RYR3: variants seen among roughly 807,000 people sequenced by gnomAD.
RYR3 encodes ryanodine receptor 3.
A neutral mutation model predicts 584.3 loss-of-function variants in RYR3; 207 were observed. The ratio of observed to expected loss-of-function variants is 0.35; its 90% CI spans 0.32 to 0.40. The LOEUF is 0.40. Ranked by LOEUF, RYR3 falls within the 10% of genes least tolerant of loss-of-function variation. RYR3 has a pLI of 1.00. For missense variants in RYR3, 5,616 were observed against 6,089.2 expected (o/e 0.92, Z 2.59); for synonymous variants, 2,416 against 2,248.5 (o/e 1.07, Z -2.11).
chr15:33,656,258 A>G (rs1186088826), intron 32 of RYR3, among the ~76,000 whole-genome samples: 2 of 152,262 alleles, frequency 1.3e-5, no homozygotes, highest in Non-Finnish European at 2.9e-5. Context: ...CTCAAATACA[A>G]AAGGGAAACT....
chr15:33,339,622 G>T (rs976308473), intron 1 of RYR3, among the ~76,000 whole-genome samples: 1 of 152,170 alleles, frequency 6.6e-6, no homozygotes, highest in Non-Finnish European at 1.5e-5. Flanking sequence ...GGGCGCGGTG[G>T]CTCACGCCTG....
chr15:33,814,224 A>AC (rs1256810754), intron 74 of RYR3, among the ~76,000 whole-genome samples: 7 of 152,162 alleles, frequency 4.6e-5, no homozygotes, highest in African/African-American at 1.7e-4. Flanking sequence ...CCCAGAGTTG[A>AC]CCACCCAGAC....
rs376832890 is a variant in RYR3 at position 33,425,865 on chromosome 15, A to T, written c.52-47554A>T. Among the ~76,000 whole-genome samples the T allele has an allele frequency of 5.1e-4, 77 of 152,110 alleles. No individual in the cohort carries two copies. In the East Asian group the frequency reaches 0.015, roughly 29 times the overall value. ...CACCGTGTTAGCCAGGATGGTCTCA[A>T]TCTCCTGACCTCGTGATCCGCCCGC... On this transcript the variant is annotated intron_variant, in intron 1 of 103. Transcript: ENST00000634891.
chr15:33,841,882 G>A lies in RYR3; in HGVS notation c.13056G>A (p.Lys4352=). Residue 4352 remains lysine, a synonymous_variant, in exon 91 of 104, where the codon AAG becomes AAA. Transcript: ENST00000634891. The part of the protein sequence containing the change: ...SEKADMEDGE[K]EDKDKEEEQA... ...TCTGCAGCATGGAAGATGGAGAGAAGGAAGACAAAGACAAAGAAGAGGAGC... is the reference window on the plus strand; with the variant it reads ...TCTGCAGCATGGAAGATGGAGAGAAAGAAGACAAAGACAAAGAAGAGGAGC... 1 of 1,595,920 alleles carries A rather than the reference G, an allele frequency of 6.3e-7. No individual in the cohort carries two copies. Among genetic ancestry groups the A allele is most frequent in the Non-Finnish European group, 8.5e-7 (1 of 1,171,352 alleles).
intron 98 of RYR3, chr15:33,855,912 A>C (rs1400991744): frequency 2.0e-5 from 3 of 152,142 alleles, no homozygotes; most frequent in Non-Finnish European, 4.4e-5. Context: ...TTCATTCCTC[A>C]TTAAGTACAA....
intron 1 of RYR3, among the ~76,000 whole-genome samples, chr15:33,467,219 T>G: frequency 6.6e-6 from 1 of 152,258 alleles, no homozygotes; most frequent in Middle Eastern, 3.2e-3. Flanking sequence ...ATGTCTGCAC[T>G]TAAACATGAA....
intron 46 of RYR3, among the ~76,000 whole-genome samples, chr15:33,726,724 GA>G (rs2152815368): frequency 6.6e-6 from 1 of 152,262 alleles, no homozygotes; most frequent in East Asian, 1.9e-4. Flanking sequence ...ACAATAAATC[GA>G]CTCCTGATTC....
chr15:33,487,507 T>G (rs1473529947), intron 2 of RYR3, among the ~76,000 whole-genome samples: 1 of 152,144 alleles, frequency 6.6e-6, no homozygotes, highest in African/African-American at 2.4e-5. Flanking sequence ...AGACATTCTT[T>G]TTTATCTTAG....
chr15:33,699,439 G>A (rs1316962756), intron 40 of RYR3, among the ~76,000 whole-genome samples: 1 of 151,442 alleles, frequency 6.6e-6, no homozygotes, highest in Non-Finnish European at 1.5e-5. Flanking sequence ...CTTCCTACTT[G>A]GAAACAATAG....
rs550033490 is a variant in RYR3 at position 33,818,615 on chromosome 15, C to T, written c.10637C>T (p.Thr3546Ile). 13 of 1,613,932 alleles carry T rather than the reference C, an allele frequency of 8.1e-6. No homozygotes were observed. In the African/African-American group the frequency reaches 1.1e-4, roughly 13 times the overall value. Residue 3546 changes from threonine (T) to isoleucine (I), a missense_variant, in exon 76 of 104, where the codon ACA becomes ATA. Physicochemically the swap from Thr to Ile is moderately conservative, Grantham distance 89. This residue lies in a region of RYR3 where 954 missense variants were observed against 1,132.2 expected (regional missense o/e 0.84). Coordinates refer to ENST00000634891, the MANE Select transcript of RYR3 (RefSeq NM_001036.6). ...GTGGAAGAGGAGGAGGAGGAAGAGACAGAAAAACAACCTGACCCACTACAT... is the reference window on the plus strand; with the variant it reads ...GTGGAAGAGGAGGAGGAGGAAGAGATAGAAAAACAACCTGACCCACTACAT... Reference protein sequence around the residue: ...PKVEEEEEEETEKQPDPLHQI... With the variant: ...PKVEEEEEEEIEKQPDPLHQI...
intron 2 of RYR3, among the ~76,000 whole-genome samples, chr15:33,478,565 G>A (rs540636945): frequency 6.6e-6 from 1 of 152,150 alleles, no homozygotes; most frequent in African/African-American, 2.4e-5. Flanking sequence ...AATGTACCCT[G>A]GTAACATGAC....
At chr15:33,700,645 G>A (rs113543773) in intron 41 of RYR3, among the ~76,000 whole-genome samples, 2,103 of 152,196 alleles carry the variant, frequency 0.014, 51 homozygotes, top group African/African-American at 0.048. Flanking sequence ...GAAATATACA[G>A]GTTCCACTGG....
chr15:33,324,763 A>G (rs917301831), intron 1 of RYR3, among the ~76,000 whole-genome samples: 5 of 151,990 alleles, frequency 3.3e-5, no homozygotes, highest in Non-Finnish European at 5.9e-5. Flanking sequence ...ACCTCACTCA[A>G]CTCTCTGCTA....
chr15:33,777,720 G>T (rs143068975), intron 64 of RYR3, among the ~76,000 whole-genome samples: 27 of 151,522 alleles, frequency 1.8e-4, no homozygotes, highest in Middle Eastern at 6.9e-3. Flanking sequence ...GACTGCCTTC[G>T]TGTCTGACTA....
chr15:33,788,266 G>A lies in RYR3; in HGVS notation c.9638G>A (p.Ser3213Asn). 2 of 1,614,004 alleles carry A rather than the reference G, an allele frequency of 1.2e-6. No individual in the cohort carries two copies. The highest frequency in any genetic ancestry group is 1.7e-6 in the Non-Finnish European group (2 of 1,179,882). Residue 3213 changes from serine to asparagine, a missense_variant, in exon 67 of 104, where the codon AGC becomes AAC. Physicochemically the swap from Ser to Asn is conservative, Grantham distance 46. Transcript: ENST00000634891. ...ISKARPDLLR[S>N]HFIPTLEKLK... is the part of the protein sequence containing the mutation. ...AAAGCCAGGCCCGACCTGCTGAGAAGCCACTTCATCCCAACTCTGGAGAAG... is the reference window on the plus strand; with the variant it reads ...AAAGCCAGGCCCGACCTGCTGAGAAACCACTTCATCCCAACTCTGGAGAAG...
At chr15:33,819,281 A>G (rs2076983013) in intron 76 of RYR3, among the ~76,000 whole-genome samples, 1 of 152,230 alleles carries the variant, frequency 6.6e-6, no homozygotes, top group Non-Finnish European at 1.5e-5. Context: ...AGTGGTTTCT[A>G]AGAATCAGAG....
chr15:33,852,973 C>T, intron 94 of RYR3, 72 bp from the exon 95 acceptor site: 1 of 1,349,912 alleles, frequency 7.4e-7, no homozygotes, highest in South Asian at 1.3e-5. Flanking sequence ...GGCACTCAAA[C>T]TGAAACGTTT....
At chr15:33,382,556 T>C (rs558879401) in intron 1 of RYR3, among the ~76,000 whole-genome samples, 1 of 152,116 alleles carries the variant, frequency 6.6e-6, no homozygotes, top group African/African-American at 2.4e-5. Context: ...CTCCTGACCT[T>C]AGGTGATCCA....
chr15:33,555,118 T>C (rs929489389), intron 10 of RYR3, among the ~76,000 whole-genome samples: 4 of 152,222 alleles, frequency 2.6e-5, no homozygotes, highest in African/African-American at 7.2e-5. Context: ...TTAGTAAACA[T>C]TTGTGAAACA....
Sources: gnomAD v4.1 joint callset for allele counts (sites outside exome capture counted in the v4.1 genomes callset) on GRCh38, gnomAD v4.1.1 for gene constraint, gnomAD v4.1.1 regional missense constraint, MANE v1.5 for transcripts, NCBI Gene and HGNC (gene_info 2026-07-23, HGNC 2026-07-21) for gene names.